Variants in DLC1 observed in about 807,000 individuals in gnomAD.
The protein encoded by DLC1 is rho GTPase-activating protein 7.
In DLC1, 54 loss-of-function variants were observed where a neutral mutation model predicts 140.3. That is an observed-to-expected ratio of 0.38 (90% confidence interval 0.31 to 0.48). The LOEUF (loss-of-function observed/expected upper bound fraction) is 0.48, where lower values mean the gene tolerates loss of function less well. Among genes scored for constraint, DLC1 ranks in the 20% least tolerant of loss-of-function variants. The probability of loss-of-function intolerance (pLI) is 0.96; values close to 1 mark genes in which losing one functional copy is unlikely to be tolerated. For synonymous variants in DLC1, 986 were observed against 728.1 expected (o/e 1.35, Z -5.70); for missense variants, 2,536 against 1,907.0 (o/e 1.33, Z -6.14).
chr8:13,590,950 T>C (rs1300277435), intron 1 of DLC1, among the ~76,000 whole-genome samples: 2 of 152,096 alleles, frequency 1.3e-5, no homozygotes, highest in Non-Finnish European at 2.9e-5. Flanking sequence ...ATTTTTGCTT[T>C]TACAAATTTG....
intron 4 of DLC1, among the ~76,000 whole-genome samples, chr8:13,372,409 C>A (rs866653524): frequency 1.3e-5 from 2 of 152,004 alleles, no homozygotes; most frequent in Admixed American, 6.6e-5. Context: ...ACAGAAGAAC[C>A]GTTTGAGGAT....
intron 4 of DLC1, among the ~76,000 whole-genome samples, chr8:13,346,203 C>G (rs1834331878): frequency 6.6e-6 from 1 of 152,188 alleles, no homozygotes; most frequent in Admixed American, 6.5e-5. Context: ...TCACCTGTCT[C>G]TACAACTTGG....
chr8:13,390,706 G>A (rs987115950), intron 4 of DLC1, among the ~76,000 whole-genome samples: 1 of 152,196 alleles, frequency 6.6e-6, no homozygotes, highest in Non-Finnish European at 1.5e-5. Flanking sequence ...AAGAAAAACA[G>A]GCCAGGTGTG....
chr8:13,580,100 C>G (rs941651988), intron 1 of DLC1, among the ~76,000 whole-genome samples: 5 of 146,842 alleles, frequency 3.4e-5, no homozygotes, highest in Non-Finnish European at 6.0e-5. Flanking sequence ...CAATTATCAG[C>G]TTCTAATTTA....
At chr8:13,406,181 G>GTTGTTTTTT (rs1554514489) in intron 2 of DLC1, among the ~76,000 whole-genome samples, 1,187 of 84,852 alleles carry the variant, frequency 0.014, 28 homozygotes, top group Non-Finnish European at 0.019. Flanking sequence ...TAATTTTTGT[G>GTTGTTTTTT]TTTTTTTTTT....
chr8:13,576,037 C>T (rs892101506), intron 1 of DLC1, among the ~76,000 whole-genome samples: 1 of 152,190 alleles, frequency 6.6e-6, no homozygotes, highest in African/African-American at 2.4e-5. Flanking sequence ...TGTAAAAGTG[C>T]ATAGATGGAG....
chr8:13,379,399 C>G (rs1419719849), intron 4 of DLC1, among the ~76,000 whole-genome samples: 1 of 152,160 alleles, frequency 6.6e-6, no homozygotes, highest in Non-Finnish European at 1.5e-5. Flanking sequence ...TACACCTAAC[C>G]TATTGAGCAT....
chr8:13,325,449 T>TACAC (rs1554497506), intron 4 of DLC1, among the ~76,000 whole-genome samples: 21 of 38,256 alleles, frequency 5.5e-4, no homozygotes, highest in African/African-American at 1.1e-3. Context: ...TAGTTCTGTA[T>TACAC]ACACACACAC....
chr8:13,533,416 C>T (rs1485511041), intron 1 of DLC1, among the ~76,000 whole-genome samples: 1 of 152,088 alleles, frequency 6.6e-6, no homozygotes, highest in Admixed American at 6.5e-5. Context: ...GGCAAAATAA[C>T]TTATTTGGAC....
chr8:13,545,866 T>C (rs1369642725), intron 1 of DLC1, among the ~76,000 whole-genome samples: 1 of 152,136 alleles, frequency 6.6e-6, no homozygotes, highest in Non-Finnish European at 1.5e-5. Flanking sequence ...TTTCATATTT[T>C]ATGATGATGC....
At chr8:13,197,600 C>T (rs1192978062) in intron 5 of DLC1, among the ~76,000 whole-genome samples, 1 of 152,026 alleles carries the variant, frequency 6.6e-6, no homozygotes, top group African/African-American at 2.4e-5. Flanking sequence ...CCTGCCTCGG[C>T]GTCCCAAAGT....
At chr8:13,396,504 A>T (rs7845890) in intron 3 of DLC1, among the ~76,000 whole-genome samples, 35,938 of 152,144 alleles carry the variant, frequency 0.24, 4,882 homozygotes, top group Admixed American at 0.3. Context: ...ACAAGGCTTT[A>T]CAACCATTAT....
At chr8:13,104,670 C>T (rs559641803) in intron 7 of DLC1, among the ~76,000 whole-genome samples, 10 of 152,336 alleles carry the variant, frequency 6.6e-5, no homozygotes, top group African/African-American at 1.9e-4. Flanking sequence ...TCTTCCTGAT[C>T]CTGTTCTTGC....
intron 5 of DLC1, among the ~76,000 whole-genome samples, chr8:13,134,967 C>G (rs1315849932): frequency 2.6e-5 from 4 of 152,040 alleles, no homozygotes; most frequent in African/African-American, 9.7e-5. Flanking sequence ...GAGGAAGCAA[C>G]AGGGTTGTAT....
intron 4 of DLC1, among the ~76,000 whole-genome samples, chr8:13,312,126 C>T (rs1563244638): frequency 7.7e-6 from 1 of 130,036 alleles, no homozygotes; most frequent in Non-Finnish European, 1.7e-5. Flanking sequence ...CTTTGGGAGG[C>T]CGAGGCGGGC....
intron 4 of DLC1, among the ~76,000 whole-genome samples, chr8:13,364,299 AC>A (rs1835381331): frequency 2.5e-5 from 3 of 121,914 alleles, no homozygotes; most frequent in Non-Finnish European, 5.2e-5. Flanking sequence ...GGGTAATGAA[AC>A]TTTTTTTTTT....
intron 1 of DLC1, among the ~76,000 whole-genome samples, chr8:13,582,876 G>GTATA (rs1306419249): frequency 3.6e-4 from 15 of 41,980 alleles, no homozygotes; most frequent in South Asian, 1.6e-3. Flanking sequence ...ATATACTGTG[G>GTATA]TCTATATATA....
intron 1 of DLC1, among the ~76,000 whole-genome samples, chr8:13,510,060 G>T (rs1802283861): frequency 6.6e-6 from 1 of 152,224 alleles, no homozygotes; most frequent in South Asian, 2.1e-4. Context: ...GATCTTAGCT[G>T]CAGAATCCAG....
chr8:13,541,363 T>G (rs887922807), intron 1 of DLC1, among the ~76,000 whole-genome samples: 3 of 152,020 alleles, frequency 2.0e-5, no homozygotes, highest in African/African-American at 7.3e-5. Flanking sequence ...TTTAATTACG[T>G]AAGACACTGC....
Sources: allele counts gnomAD v4.1 joint callset (sites outside exome capture counted in the v4.1 genomes callset), GRCh38; gene constraint gnomAD v4.1.1; transcripts MANE v1.5; gene names NCBI Gene and HGNC (gene_info 2026-07-23, HGNC 2026-07-21).